Variants in SOX6 observed in about 807,000 individuals in gnomAD.
SOX6 encodes the protein transcription factor SOX-6.
SOX6 carries 11 observed loss-of-function variants against 97.8 expected under a neutral mutation model. The ratio of observed to expected loss-of-function variants is 0.11; its 90% CI spans 0.07 to 0.19. The LOEUF (loss-of-function observed/expected upper bound fraction) is 0.19, where lower values mean the gene tolerates loss of function less well. Ranked by LOEUF, SOX6 falls within the 10% of genes least tolerant of loss-of-function variation. The pLI, the probability that SOX6 is intolerant of heterozygous loss-of-function variation, is 1.00. For missense variants in SOX6, 810 were observed against 1,039.5 expected, an observed-to-expected ratio of 0.78 and a Z score of 3.04; for synonymous variants, 360 against 371.4, an observed-to-expected ratio of 0.97 and a Z score of 0.35.
At chr11:16,137,500 A>C (rs1850000660) in intron 6 of SOX6, among the ~76,000 whole-genome samples, 1 of 152,186 alleles carries the variant, frequency 6.6e-6, no homozygotes, top group South Asian at 2.1e-4. Context: ...CTGTATAATA[A>C]AAAGTCCATT....
At chr11:16,456,891 G>A (rs1859819719) in intron 1 of SOX6, among the ~76,000 whole-genome samples, 1 of 152,078 alleles carries the variant, frequency 6.6e-6, no homozygotes, top group South Asian at 2.1e-4. Flanking sequence ...TTGTGGGTAA[G>A]TGCACATTAA....
intron 4 of SOX6, among the ~76,000 whole-genome samples, chr11:16,550,273 A>C (rs1847667760): frequency 6.6e-6 from 1 of 152,086 alleles, no homozygotes; most frequent in South Asian, 2.1e-4. Flanking sequence ...CAATGAGAAC[A>C]CTTGCACACA....
chr11:16,338,092 C>T (rs996101200), intron 2 of SOX6, among the ~76,000 whole-genome samples: 1 of 151,980 alleles, frequency 6.6e-6, no homozygotes, highest in Non-Finnish European at 1.5e-5. Context: ...GAATGAGGGC[C>T]ATGAGGGCCA....
chr11:16,464,163 C>A (rs146052440), intron 1 of SOX6, among the ~76,000 whole-genome samples: 1 of 152,246 alleles, frequency 6.6e-6, no homozygotes, highest in East Asian at 1.9e-4. Flanking sequence ...TTTCACAAAT[C>A]CCAATTCAAG....
At chr11:16,486,666 G>T (rs892734050) in intron 4 of SOX6, among the ~76,000 whole-genome samples, 4 of 152,096 alleles carry the variant, frequency 2.6e-5, no homozygotes, top group African/African-American at 4.8e-5. Flanking sequence ...TTTGAGACCA[G>T]CCTGGCCAAC....
chr11:16,473,115 G>T (rs567835309), intron 1 of SOX6, among the ~76,000 whole-genome samples: 1 of 151,864 alleles, frequency 6.6e-6, no homozygotes, highest in South Asian at 2.1e-4. Flanking sequence ...CTTGAAATTT[G>T]CCTTCTTTAT....
Position 16,610,769 on chromosome 11 carries a change from G to T in SOX6, n.609+1312C>A, listed in dbSNP as rs1033555265. 2.6e-5 allele frequency among the ~76,000 whole-genome samples: 4 copies of T among 152,202 alleles called. No individual in the cohort carries two copies. Among genetic ancestry groups the T allele is most frequent in the African/African-American group, 9.7e-5 (4 of 41,444 alleles). Reference sequence around the variant, plus strand: ...AAGGGTTTCCTCTAAAGCCTCGGGCGCTGGCTATACCAATGAAGAGGGAGA... The same window carrying T: ...AAGGGTTTCCTCTAAAGCCTCGGGCTCTGGCTATACCAATGAAGAGGGAGA... On this transcript the variant is annotated intron_variant and non_coding_transcript_variant, in intron 4 of 5. Transcript: ENST00000524520. The surrounding 1 kb of genome is among the most constrained non-coding windows in gnomAD (Gnocchi z 4.4).
At chr11:16,129,831 C>A (rs1056028483) in intron 6 of SOX6, among the ~76,000 whole-genome samples, 3 of 152,044 alleles carry the variant, frequency 2.0e-5, no homozygotes, top group African/African-American at 4.8e-5. Flanking sequence ...ATTTGAAACA[C>A]CTACAGCTAA....
chr11:16,288,772 T>G (rs1854824859), intron 3 of SOX6, among the ~76,000 whole-genome samples: 1 of 151,960 alleles, frequency 6.6e-6, no homozygotes, highest in Non-Finnish European at 1.5e-5. Flanking sequence ...AAGTTATCCT[T>G]GGACAAAGAG....
At chr11:16,427,571 C>T (rs1859171096) in intron 1 of SOX6, among the ~76,000 whole-genome samples, 1 of 151,244 alleles carries the variant, frequency 6.6e-6, no homozygotes, top group Non-Finnish European at 1.5e-5. Context: ...TGAGTGAGAA[C>T]ATGAGGTGTT....
Position 16,144,596 on chromosome 11 carries a change from A to C in SOX6, c.778-32673T>G, listed in dbSNP as rs184883323. Among the ~76,000 whole-genome samples, 887 of 152,150 alleles carry C rather than the reference A, an allele frequency of 5.8e-3. 13 individuals carry two copies. The highest frequency in any genetic ancestry group is 0.02 in the African/African-American group (833 of 41,556). Reference sequence around the variant, plus strand: ...TGAAAAGATCAACAAAATTGATAGAACGCTAGCAAGACTAATAAAGAAGAA... The same window carrying C: ...TGAAAAGATCAACAAAATTGATAGACCGCTAGCAAGACTAATAAAGAAGAA... On this transcript the variant is annotated intron_variant, in intron 6 of 15. Transcript: ENST00000683767.
intron 4 of SOX6, among the ~76,000 whole-genome samples, chr11:16,587,043 G>A (rs1275031876): frequency 1.3e-5 from 2 of 152,188 alleles, no homozygotes; most frequent in Non-Finnish European, 2.9e-5. Context: ...AGCAAGGACT[G>A]CCTTAATAAA....
chr11:16,355,597 A>G (rs1455803754), intron 1 of SOX6, among the ~76,000 whole-genome samples: 1 of 152,018 alleles, frequency 6.6e-6, no homozygotes, highest in African/African-American at 2.4e-5. Context: ...TCTGCTTGTC[A>G]GTTGTGTTTC....
chr11:16,091,579 A>T (rs535851639), intron 9 of SOX6, among the ~76,000 whole-genome samples: 1 of 152,194 alleles, frequency 6.6e-6, no homozygotes, highest in African/African-American at 2.4e-5. Flanking sequence ...TGTAGCACAA[A>T]AATTGACAAT....
chr11:16,113,734 G>A (rs886170228), intron 6 of SOX6, among the ~76,000 whole-genome samples: 1 of 152,202 alleles, frequency 6.6e-6, no homozygotes, highest in African/African-American at 2.4e-5. Flanking sequence ...AGAAAGTGAG[G>A]AGTTTGGATA....
intron 4 of SOX6, among the ~76,000 whole-genome samples, chr11:16,563,477 A>T (rs185211683): frequency 7.9e-5 from 12 of 152,284 alleles, no homozygotes; most frequent in Admixed American, 7.8e-4. Context: ...AAACAAAAAT[A>T]GAAGCTCAAT....
chr11:16,526,100 G>A (rs1300986847), intron 4 of SOX6, among the ~76,000 whole-genome samples: 1 of 152,150 alleles, frequency 6.6e-6, no homozygotes, highest in Non-Finnish European at 1.5e-5. Flanking sequence ...TCTAGAACTG[G>A]AAATACCATT....
chr11:16,137,777 T>C (rs557629655), intron 6 of SOX6, among the ~76,000 whole-genome samples: 8 of 152,276 alleles, frequency 5.3e-5, no homozygotes, highest in South Asian at 2.1e-4. Flanking sequence ...GTGGAGATAA[T>C]TGAATGCTGG....
Position 16,097,601 on chromosome 11 carries a change from G to C in SOX6, c.978+8C>G, listed in dbSNP as rs1169745053. On this transcript the variant is annotated splice_region_variant and intron_variant, in intron 8 of 15. Transcript: ENST00000683767. ...TCATATCCCACATTTTTTTCTTCTG[G>C]CACTTACCTGGAGCTGTAAAGGGCT... 2 of 1,610,404 alleles carry C rather than the reference G, an allele frequency of 1.2e-6. No homozygotes were observed.
Sources: allele counts gnomAD v4.1 joint callset (sites outside exome capture counted in the v4.1 genomes callset), GRCh38; gene constraint gnomAD v4.1.1; non-coding constraint Gnocchi (gnomAD v3.1); transcripts MANE v1.5; gene names NCBI Gene and HGNC (gene_info 2026-07-23, HGNC 2026-07-21).